RAPGEF4: variants seen among roughly 807,000 people sequenced by gnomAD.
The protein encoded by RAPGEF4 is RAP guanine-nucleotide-exchange factor (GEF) 4.
In RAPGEF4, 66 loss-of-function variants were observed where a neutral mutation model predicts 147.9. That is an observed-to-expected ratio of 0.45 (90% CI 0.37 to 0.55). The LOEUF (loss-of-function observed/expected upper bound fraction) is 0.55. Ranked by LOEUF, RAPGEF4 falls within the 20% of genes least tolerant of loss-of-function variation. The probability of loss-of-function intolerance (pLI) is 0.00; values close to 1 mark genes in which losing one functional copy is unlikely to be tolerated. For missense variants in RAPGEF4, 1,071 were observed against 1,257.3 expected (o/e 0.85, Z 2.24); for synonymous variants, 419 against 442.7 (o/e 0.95, Z 0.67).
intron 11 of RAPGEF4, among the ~76,000 whole-genome samples, chr2:172,984,739 C>T (rs1296479383): frequency 2.6e-5 from 4 of 152,142 alleles, no homozygotes; most frequent in Non-Finnish European, 5.9e-5. Context: ...CTTTCCCTGC[C>T]TGTGCTCCAG....
rs538539012 is a variant in RAPGEF4 at position 172,995,984 on chromosome 2, T to C, written c.1491-482T>C. Among the ~76,000 whole-genome samples, 7 of 152,272 alleles carry C rather than the reference T, an allele frequency of 4.6e-5. No individual in the cohort carries two copies. In the South Asian group the frequency reaches 8.3e-4, roughly 18 times the overall value. On this transcript the variant is annotated intron_variant, in intron 15 of 30. Transcript: ENST00000397081. ...GCTGAATTTCCAAAGCACATACCAG[T>C]GTACAGTTGGGAAAGACAGAGCATT...
chr2:172,985,382 ACC>A, intron 11 of RAPGEF4, 49 bp from the exon 12 acceptor site: 1 of 1,613,632 alleles, frequency 6.2e-7, no homozygotes, highest in Non-Finnish European at 8.5e-7. Context: ...ACCCTTTTCC[ACC>A]CAGACCTGGA....
intron 30 of RAPGEF4, among the ~76,000 whole-genome samples, chr2:173,049,400 G>A (rs755418971): frequency 6.6e-6 from 1 of 152,172 alleles, no homozygotes; most frequent in Non-Finnish European, 1.5e-5. Context: ...AAATGAGAAG[G>A]TGAACACTAA....
intron 26 of RAPGEF4, among the ~76,000 whole-genome samples, chr2:173,030,757 G>A: frequency 6.6e-6 from 1 of 152,208 alleles, no homozygotes; most frequent in East Asian, 1.9e-4. Context: ...CCACCTGGCA[G>A]ACTTCTCTCC....
At chr2:173,044,808 T>A (rs1046229385) in intron 29 of RAPGEF4, among the ~76,000 whole-genome samples, 2 of 152,144 alleles carry the variant, frequency 1.3e-5, no homozygotes, top group African/African-American at 4.8e-5. Flanking sequence ...GAATTACCAG[T>A]TGCTGTCTTA....
chr2:173,024,218 A>T lies in RAPGEF4; in HGVS notation c.2254-2354A>T, dbSNP rs866941867. 5.1e-3 allele frequency among the ~76,000 whole-genome samples: 695 copies of T among 137,554 alleles called. 16 individuals carry two copies. The highest frequency in any genetic ancestry group is 0.017 in the African/African-American group (634 of 36,996). The allele number at this position is 137,554 out of a possible 152,430, so 90.2% of individuals were successfully genotyped here. ...TGCTACAGCACTTCTTTTTTTTATT[A>T]TTTTTTTTTTTTTTTTTGAGACGGA... On this transcript the variant is annotated intron_variant, in intron 23 of 30. Coordinates refer to ENST00000397081, the MANE Select transcript of RAPGEF4 (RefSeq NM_007023.4).
chr2:173,026,615 G>A lies in RAPGEF4; in HGVS notation c.2297G>A (p.Gly766Glu), dbSNP rs753221185. Reference sequence around the variant, plus strand: ...GAAGGCCCAACTGTTGGAACAGTGGGAACTTTTGAACTGATGAGCTCCAAA... The same window carrying A: ...GAAGGCCCAACTGTTGGAACAGTGGAAACTTTTGAACTGATGAGCTCCAAA... ...EQEGPTVGTV[G>E]TFELMSSKDL... The change falls in exon 24 of 31, where the codon GGA (glycine) becomes GAA (glutamate). Residue 766 changes from glycine (G) to glutamate (E), a missense_variant. Transcript: ENST00000397081. 1.2e-6 allele frequency: 2 copies of A among 1,613,758 alleles called. No individual in the cohort carries two copies. Among genetic ancestry groups the A allele is most frequent in the Non-Finnish European group, 1.7e-6 (2 of 1,179,734 alleles).
intron 4 of RAPGEF4, among the ~76,000 whole-genome samples, chr2:172,917,290 G>A (rs1009848756): frequency 6.6e-6 from 1 of 152,204 alleles, no homozygotes; most frequent in East Asian, 1.9e-4. Context: ...AAACAGGCAG[G>A]TGTACGATGT....
intron 1 of RAPGEF4, among the ~76,000 whole-genome samples, chr2:172,737,917 A>G (rs1354031026): frequency 6.6e-6 from 1 of 152,194 alleles, no homozygotes; most frequent in African/African-American, 2.4e-5. Flanking sequence ...AAGGTGAAAT[A>G]GTTTGAAAAC....
chr2:172,826,127 G>A (rs1441932285), intron 4 of RAPGEF4, among the ~76,000 whole-genome samples: 1 of 152,190 alleles, frequency 6.6e-6, no homozygotes, highest in Non-Finnish European at 1.5e-5. Context: ...TTTGACTGTG[G>A]AAGGCTCTGG....
intron 1 of RAPGEF4, among the ~76,000 whole-genome samples, chr2:172,758,148 T>G (rs926096716): frequency 6.6e-6 from 1 of 151,846 alleles, no homozygotes; most frequent in Admixed American, 6.6e-5. Flanking sequence ...GGCAGAGGAG[T>G]TTAACCAAGC....
chr2:172,820,431 C>A (rs149009862), intron 4 of RAPGEF4, among the ~76,000 whole-genome samples: 2 of 152,198 alleles, frequency 1.3e-5, no homozygotes, highest in African/African-American at 4.8e-5. Context: ...AAAATAAAAG[C>A]AATGTTTTCA....
At chr2:173,020,297 C>G (rs1695949850) in intron 22 of RAPGEF4, among the ~76,000 whole-genome samples, 1 of 140,094 alleles carries the variant, frequency 7.1e-6, no homozygotes, top group African/African-American at 2.7e-5. Context: ...TGATTACCAT[C>G]TGGAAACATA....
chr2:172,882,468 A>T (rs962428043), intron 4 of RAPGEF4, among the ~76,000 whole-genome samples: 6 of 152,222 alleles, frequency 3.9e-5, no homozygotes, highest in Non-Finnish European at 8.8e-5. Context: ...AAATGCAAGA[A>T]TCTAAAAGAC....
intron 17 of RAPGEF4, among the ~76,000 whole-genome samples, chr2:173,003,284 T>C (rs1694126042): frequency 6.6e-6 from 1 of 151,798 alleles, no homozygotes; most frequent in African/African-American, 2.4e-5. Flanking sequence ...GGGGGAAAAA[T>C]GATACTGGCG....
chr2:172,908,068 G>A (rs1278687763), intron 4 of RAPGEF4, among the ~76,000 whole-genome samples: 1 of 152,134 alleles, frequency 6.6e-6, no homozygotes, highest in Non-Finnish European at 1.5e-5. Context: ...TAACATCAGA[G>A]GTTCTTGGCT....
chr2:172,922,240 T>C (rs1213623133), intron 5 of RAPGEF4, 41 bp from the exon 6 acceptor site: 13 of 1,592,038 alleles, frequency 8.2e-6, no homozygotes, highest in Non-Finnish European at 1.1e-5. Flanking sequence ...CGGTTGATTA[T>C]ACAATTCATG....
intron 15 of RAPGEF4, among the ~76,000 whole-genome samples, chr2:172,995,946 C>T (rs144611911): frequency 1.6e-4 from 25 of 152,214 alleles, no homozygotes; most frequent in East Asian, 5.8e-4. Context: ...TGCTTTCTCT[C>T]GTTTTATTAT....
At position 173,043,782 on chromosome 2, in the gene RAPGEF4, C is replaced by T. The variant is rs566306347; in HGVS notation, c.2854-4818C>T. Among the ~76,000 whole-genome samples the T allele has an allele frequency of 3.2e-3, 495 of 152,344 alleles. 3 individuals are homozygous for T. Among genetic ancestry groups the T allele is most frequent in the Middle Eastern group, 0.02 (6 of 294 alleles). On this transcript the variant is annotated intron_variant, in intron 29 of 30. Transcript: ENST00000397081. ...AAGGTACCTCTGACACCTCAGCGGACTCAAGGGAAATTCCCTGCATCAGAG... is the reference window on the plus strand; with the variant it reads ...AAGGTACCTCTGACACCTCAGCGGATTCAAGGGAAATTCCCTGCATCAGAG...
Sources: allele counts gnomAD v4.1 joint callset (sites outside exome capture counted in the v4.1 genomes callset), GRCh38; gene constraint gnomAD v4.1.1; transcripts MANE v1.5; gene names NCBI Gene and HGNC (gene_info 2026-07-23, HGNC 2026-07-21).